The following EPAS1 variants were observed in gnomAD, a reference collection of about 807,000 sequenced individuals.
EPAS1 encodes the protein endothelial PAS domain-containing protein 1.
In EPAS1, 23 loss-of-function variants were observed where a neutral mutation model predicts 87.9. The ratio of observed to expected loss-of-function variants is 0.26; its 90% CI spans 0.19 to 0.37. The LOEUF (loss-of-function observed/expected upper bound fraction) is 0.37, where lower values mean the gene tolerates loss of function less well. EPAS1 is among the 10% of genes least tolerant of loss of function. The probability of loss-of-function intolerance (pLI) is 1.00; values close to 1 mark genes in which losing one functional copy is unlikely to be tolerated. For synonymous variants in EPAS1, 508 were observed against 444.3 expected, an observed-to-expected ratio of 1.14 and a Z score of -1.80; for missense variants, 1,138 against 1,120.7, an observed-to-expected ratio of 1.02 and a Z score of -0.22.
At chr2:46,308,126 C>T (rs764945699) in intron 1 of EPAS1, among the ~76,000 whole-genome samples, 2 of 152,204 alleles carry the variant, frequency 1.3e-5, no homozygotes, top group Admixed American at 6.5e-5. Context: ...GGCAGTGCTG[C>T]AGTACTCATT....
rs184658881 is a variant in EPAS1 at position 46,298,072 on chromosome 2, G to A, written c.26+135G>A. 242 of 1,113,956 alleles carry A rather than the reference G, an allele frequency of 2.2e-4. 2 individuals carry two copies. The African/African-American group carries it at 3.2e-3, about 15-fold the overall frequency. 69.0% of individuals were successfully genotyped at this position (1,113,956 alleles called of 1,614,324 possible). ...AGCTCGAGGCTCGGTTTGGAGGGCT[G>A]TGAGGGGGAGAGCATGTGCCCGGTT... On this transcript the variant is annotated intron_variant, in intron 1 of 15. Coordinates refer to ENST00000263734, the MANE Select transcript of EPAS1 (RefSeq NM_001430.5).
At position 46,326,710 on chromosome 2, in the gene EPAS1, C is replaced by A. The variant is rs192002455; in HGVS notation, c.27-20163C>A. 3.9e-5 allele frequency among the ~76,000 whole-genome samples: 6 copies of A among 152,248 alleles called. No homozygotes were observed. The East Asian group carries it at 1.2e-3, about 29-fold the overall frequency. On this transcript the variant is annotated intron_variant, in intron 1 of 15. Transcript: ENST00000263734. ...AGATCCCAGAAAATTAAAGGAGACA[C>A]CTTTGTTCCTGCCCATAGGAAATAT...
At chr2:46,330,939 T>G (rs1456816180) in intron 1 of EPAS1, among the ~76,000 whole-genome samples, 5 of 152,106 alleles carry the variant, frequency 3.3e-5, no homozygotes, top group Non-Finnish European at 7.4e-5. Context: ...TTTTTTTTTT[T>G]CCTCCCCATT....
At position 46,375,008 on chromosome 2, in the gene EPAS1, C is replaced by T. The variant is rs1049529871; in HGVS notation, c.887-682C>T. On this transcript the variant is annotated intron_variant, in intron 7 of 15. Coordinates refer to ENST00000263734, the MANE Select transcript of EPAS1 (RefSeq NM_001430.5). This position sits in a 1 kb window ranked among gnomAD's most constrained non-coding sequence, Gnocchi z 4.1. ...TGGGCTGCCAGGGTCCCAGCTCTTT[C>T]TCAGCCCCAACTGAGAAAGGGTGGG... Among the ~76,000 whole-genome samples the T allele has an allele frequency of 1.3e-5, 2 of 152,114 alleles. No homozygotes were observed. Among genetic ancestry groups the T allele is most frequent in the Non-Finnish European group, 2.9e-5 (2 of 68,020 alleles).
intron 14 of EPAS1, 110 bp from the exon 15 acceptor site, chr2:46,382,315 G>A: frequency 1.4e-6 from 2 of 1,433,604 alleles, no homozygotes; most frequent in Non-Finnish European, 2.0e-6. Context: ...GTTGGCTGTA[G>A]TTCTGGTGAC....
At chr2:46,331,885 G>GT (rs886932213) in intron 1 of EPAS1, among the ~76,000 whole-genome samples, 24 of 151,274 alleles carry the variant, frequency 1.6e-4, no homozygotes, top group African/African-American at 2.4e-4. Flanking sequence ...CTTTCAGGCT[G>GT]TTTTTTTTTC....
At chr2:46,350,787 C>A (rs978279339) in intron 2 of EPAS1, among the ~76,000 whole-genome samples, 2 of 152,196 alleles carry the variant, frequency 1.3e-5, no homozygotes, top group Non-Finnish European at 2.9e-5. Context: ...TTTCCATGGA[C>A]CTGGAGATCA....
Position 46,377,953 on chromosome 2 carries a change from C to T in EPAS1, c.1309C>T (p.Pro437Ser), listed in dbSNP as rs2103667268. Residue 437 changes from proline (P) to serine (S), a missense_variant, in exon 10 of 16, where the codon CCA (proline) becomes TCA (serine). Pro to Ser is a moderately conservative substitution (Grantham distance 74). Transcript: ENST00000263734. ...YGKAILPPSQ[P>S]WATELRSHST... Reference sequence around the variant, plus strand: ...CAAGGCCATCCTGCCCCCGAGCCAGCCATGGGCCACGGAGTTGAGGAGCCA... The same window carrying T: ...CAAGGCCATCCTGCCCCCGAGCCAGTCATGGGCCACGGAGTTGAGGAGCCA... 6.4e-7 allele frequency: 1 copy of T among 1,561,794 alleles called. No individual in the cohort carries two copies.
chr2:46,317,320 A>G (rs1572617350), intron 1 of EPAS1, among the ~76,000 whole-genome samples: 1 of 152,358 alleles, frequency 6.6e-6, no homozygotes, highest in South Asian at 2.1e-4. Flanking sequence ...TATGGCAGCT[A>G]TAGCCTTACA....
At chr2:46,336,838 C>A (rs1683802404) in intron 1 of EPAS1, among the ~76,000 whole-genome samples, 1 of 152,234 alleles carries the variant, frequency 6.6e-6, no homozygotes, top group Non-Finnish European at 1.5e-5. Context: ...GTAACAAGAT[C>A]CCTGGGTGAT....
At chr2:46,345,075 C>T (rs750751268) in intron 1 of EPAS1, among the ~76,000 whole-genome samples, 27 of 152,214 alleles carry the variant, frequency 1.8e-4, no homozygotes, top group Non-Finnish European at 2.8e-4. Context: ...CAGGACAGAA[C>T]GAGCCAGCTA....
chr2:46,377,772 C>A, intron 9 of EPAS1, 122 bp from the exon 10 acceptor site: 2 of 1,518,254 alleles, frequency 1.3e-6, no homozygotes, highest in Non-Finnish European at 1.8e-6. Context: ...GTTGGGGGGG[C>A]CTAGCCCCAG....
chr2:46,382,615 T>A lies in EPAS1; in HGVS notation c.2461+17T>A. 6.2e-7 allele frequency: 1 copy of A among 1,613,932 alleles called. No homozygotes were observed. Among genetic ancestry groups the A allele is most frequent in the Non-Finnish European group, 8.5e-7 (1 of 1,180,002 alleles). On this transcript the variant is annotated intron_variant, in intron 15 of 15. Coordinates refer to ENST00000263734, the MANE Select transcript of EPAS1 (RefSeq NM_001430.5). ...AGGTGTCAGGTGGGTGTGCCCAGGA[T>A]CTGTCACCCCCATCCCAGGATTCGA...
At chr2:46,366,406 T>TG (rs1275485163) in intron 6 of EPAS1, among the ~76,000 whole-genome samples, 3 of 152,194 alleles carry the variant, frequency 2.0e-5, no homozygotes, top group African/African-American at 2.4e-5. Flanking sequence ...CGTATTTACT[T>TG]GGGGTAACAC....
intron 1 of EPAS1, among the ~76,000 whole-genome samples, chr2:46,344,065 G>T (rs77366801): frequency 0.02 from 3,006 of 152,334 alleles, 64 homozygotes; most frequent in African/African-American, 0.048. Context: ...TTGGGCAAAT[G>T]ACATATTATT....
At chr2:46,326,973 C>G (rs975323091) in intron 1 of EPAS1, among the ~76,000 whole-genome samples, 2 of 152,110 alleles carry the variant, frequency 1.3e-5, no homozygotes, top group Admixed American at 6.5e-5. Flanking sequence ...CACATTGTAC[C>G]TCTGATTCTT....
At chr2:46,339,323 T>C (rs989267810) in intron 1 of EPAS1, among the ~76,000 whole-genome samples, 8 of 152,230 alleles carry the variant, frequency 5.3e-5, no homozygotes, top group Non-Finnish European at 1.5e-5. Flanking sequence ...AAATTATGTG[T>C]TGGGAAAAGC....
In EPAS1 at chr2:46,346,492, CT is replaced by C. The variant is rs1240805393; in HGVS notation, c.27-380del. Among the ~76,000 whole-genome samples the C allele has an allele frequency of 2.6e-5, 4 of 152,228 alleles. No individual in the cohort carries two copies. Among genetic ancestry groups the C allele is most frequent in the Admixed American group, 1.3e-4 (2 of 15,286 alleles). On this transcript the variant is annotated intron_variant, in intron 1 of 15. Transcript: ENST00000263734. This position sits in a 1 kb window ranked among gnomAD's most constrained non-coding sequence, Gnocchi z 4.0. ...GCCCTTGACAAAGCCATCTGAGCCA[CT>C]GATCATAGCTTCCTTACCCTTCTCT...
chr2:46,384,658 T>TG lies in EPAS1; in HGVS notation c.2612dup (p.Ter871TrpfsTer31). On this transcript the variant is annotated frameshift_variant and stop_lost, in exon 16 of 16. Coordinates refer to ENST00000263734, the MANE Select transcript of EPAS1 (RefSeq NM_001430.5). LOFTEE classifies it high-confidence loss of function. The stretch of plus-strand genomic sequence containing the variant: ...CCTCAGAGCCCTGGACCAGGCCACC[T>TG]GAGCCAGGCCTTCTACCTGGGCAGC... The TG allele has an allele frequency of 1.2e-6, 2 of 1,613,602 alleles. No homozygotes were observed. Among genetic ancestry groups the TG allele is most frequent in the Non-Finnish European group, 1.7e-6 (2 of 1,179,968 alleles).
Sources: gnomAD v4.1 joint callset for allele counts (sites outside exome capture counted in the v4.1 genomes callset) on GRCh38, gnomAD v4.1.1 for gene constraint, Gnocchi (gnomAD v3.1) non-coding constraint, MANE v1.5 for transcripts, NCBI Gene and HGNC (gene_info 2026-07-23, HGNC 2026-07-21) for gene names.